Variants in ATXN8OS observed in about 807,000 individuals in gnomAD.
The protein encoded by ATXN8OS is ATXN8 opposite strand (non-protein coding).
chr13:70,119,894 GAT>G (rs1888333199), intron 2 of ATXN8OS, among the ~76,000 whole-genome samples: 1 of 145,766 alleles, frequency 6.9e-6, no homozygotes, highest in Non-Finnish European at 1.5e-5. Flanking sequence ...GATATTTCAT[GAT>G]ATATATGCAA....
rs145495369 is a variant in ATXN8OS, at chr13:70,129,103, A to G, written n.399-681A>G. ...ACAAACTCCTGACCTCAGACGATCC[A>G]CCTGCCTCGGCCTCCCAAAGTGCTG... is the stretch of plus-strand genomic sequence containing the variant. On this transcript the variant is annotated intron_variant and non_coding_transcript_variant, in intron 2 of 4. Transcript: ENST00000678624. Among the ~76,000 whole-genome samples the G allele has an allele frequency of 5.3e-5, 8 of 152,120 alleles. No individual in the cohort carries two copies. The East Asian group carries it at 1.5e-3, about 29-fold the overall frequency.
At chr13:70,146,320 TG>T (rs1267293042) in intron 3 of ATXN8OS, among the ~76,000 whole-genome samples, 2 of 149,394 alleles carry the variant, frequency 1.3e-5, no homozygotes, top group Non-Finnish European at 3.0e-5. Flanking sequence ...TTGGTGGGAC[TG>T]TAAACTAGTT....
intron 4 of ATXN8OS, among the ~76,000 whole-genome samples, chr13:70,157,722 C>G (rs142059059): frequency 5.5e-4 from 83 of 152,160 alleles, no homozygotes; most frequent in African/African-American, 1.9e-3. Flanking sequence ...AGATTCTAAA[C>G]AGATTTAAAA....
intron 2 of ATXN8OS, among the ~76,000 whole-genome samples, chr13:70,123,556 T>A (rs564547963): frequency 6.6e-6 from 1 of 152,246 alleles, no homozygotes; most frequent in African/African-American, 2.4e-5. Context: ...ACTGTAACTC[T>A]GCTAAACTTA....
intron 3 of ATXN8OS, among the ~76,000 whole-genome samples, chr13:70,139,063 C>A (rs1888658425): frequency 6.6e-6 from 1 of 152,118 alleles, no homozygotes; most frequent in Admixed American, 6.6e-5. Flanking sequence ...TATCTTAAAT[C>A]ATTTATCGAA....
At chr13:70,115,163 G>T (rs1007933902) in exon 2 of ATXN8OS, 2 of 398,274 alleles carry the variant, frequency 5.0e-6, no homozygotes, top group African/African-American at 4.1e-5. Context: ...GGAAGTTCAA[G>T]ACCAATGCAC....
Position 70,139,399 on chromosome 13 carries a change from C to T in ATXN8OS, n.500-7956C>T, listed in dbSNP as rs566930154. The stretch of plus-strand genomic sequence containing the variant: ...ACTACTACTACTGCTGCTGCTGCTG[C>T]TGCTGCTGCTGCTGCTGCTGCTGCT... On this transcript the variant is annotated intron_variant and non_coding_transcript_variant, in intron 3 of 4. Transcript: ENST00000678624. 8.2e-4 allele frequency: 514 copies of T among 624,988 alleles called. 5 individuals carry two copies. The African/African-American group carries it at 0.01, about 13-fold the overall frequency. The allele number at this position is 624,988 out of a possible 1,614,324, so 38.7% of individuals were successfully genotyped here. A position where few individuals can be genotyped will look rare whatever the true frequency, so the allele number is the denominator to read the frequency against.
chr13:70,152,339 C>T (rs547424333), intron 4 of ATXN8OS, among the ~76,000 whole-genome samples: 2 of 107,008 alleles, frequency 1.9e-5, no homozygotes, highest in Non-Finnish European at 4.1e-5. Flanking sequence ...CAGCTGTACA[C>T]TCTGTACCTG....
exon 5 of ATXN8OS, among the ~76,000 whole-genome samples, chr13:70,171,530 C>T (rs987570909): frequency 2.0e-5 from 3 of 152,188 alleles, no homozygotes; most frequent in Admixed American, 6.6e-5. Context: ...CACAAACACA[C>T]CAGAATGCAT....
At chr13:70,130,180 A>T (rs1888511100) in intron 3 of ATXN8OS, among the ~76,000 whole-genome samples, 1 of 152,162 alleles carries the variant, frequency 6.6e-6, no homozygotes, top group Non-Finnish European at 1.5e-5. Flanking sequence ...TACACCACAT[A>T]TGTTGCGATA....
chr13:70,110,464 T>C (rs1191866410), intron 1 of ATXN8OS, among the ~76,000 whole-genome samples: 2 of 151,808 alleles, frequency 1.3e-5, no homozygotes, highest in African/African-American at 4.8e-5. Context: ...CACTTGATTG[T>C]TACCATACTA....
intron 2 of ATXN8OS, among the ~76,000 whole-genome samples, chr13:70,121,971 GATT>G (rs1888365743): frequency 6.6e-6 from 1 of 151,920 alleles, no homozygotes. Flanking sequence ...AATATTTTTA[GATT>G]ATTAATCTAA....
chr13:70,136,578 T>C (rs1888618391), intron 3 of ATXN8OS, among the ~76,000 whole-genome samples: 1 of 151,980 alleles, frequency 6.6e-6, no homozygotes, highest in Admixed American at 6.6e-5. Context: ...ATTTTAAAAA[T>C]CTCCTCGTAT....
chr13:70,114,913 A>T (rs1260625709), intron 1 of ATXN8OS, among the ~76,000 whole-genome samples: 1 of 152,136 alleles, frequency 6.6e-6, no homozygotes, highest in Non-Finnish European at 1.5e-5. Context: ...GAACTAAAAA[A>T]AATGACAAAC....
chr13:70,123,166 G>A (rs934124929), intron 2 of ATXN8OS, among the ~76,000 whole-genome samples: 1 of 152,050 alleles, frequency 6.6e-6, no homozygotes, highest in African/African-American at 2.4e-5. Context: ...CTTAGATTTT[G>A]CCAGATACTA....
chr13:70,133,499 C>T (rs1011399445), intron 3 of ATXN8OS, among the ~76,000 whole-genome samples: 3 of 152,140 alleles, frequency 2.0e-5, no homozygotes, highest in African/African-American at 7.2e-5. Context: ...CACAAAGATA[C>T]GTTTAATTCC....
intron 2 of ATXN8OS, among the ~76,000 whole-genome samples, chr13:70,116,493 T>A (rs1823368047): frequency 6.6e-6 from 1 of 152,088 alleles, no homozygotes; most frequent in African/African-American, 2.4e-5. Context: ...GTTTGGTGTA[T>A]TTAAGGGGTA....
intron 4 of ATXN8OS, among the ~76,000 whole-genome samples, chr13:70,163,834 G>A (rs1356210823): frequency 6.7e-6 from 1 of 149,712 alleles, no homozygotes; most frequent in Admixed American, 6.7e-5. Flanking sequence ...TTTATCTCTT[G>A]CAGTCCACCA....
intron 3 of ATXN8OS, chr13:70,131,199 G>T (rs1487808925): frequency 1.3e-5 from 5 of 397,390 alleles, no homozygotes; most frequent in African/African-American, 8.3e-5. Flanking sequence ...AAGTATATCT[G>T]TCACAATGTG....
Sources: allele counts gnomAD v4.1 joint callset (sites outside exome capture counted in the v4.1 genomes callset), GRCh38; gene constraint gnomAD v4.1.1; transcripts MANE v1.5; gene names NCBI Gene and HGNC (gene_info 2026-07-23, HGNC 2026-07-21).